FGD5: variants seen among roughly 807,000 people sequenced by gnomAD.
FGD5 encodes the protein FYVE, RhoGEF and PH domain containing 5, also known as FYVE, RhoGEF and PH domain-containing protein 5.
A neutral mutation model predicts 133.4 loss-of-function variants in FGD5; 28 were observed. The ratio of observed to expected loss-of-function variants is 0.21; its 90% CI spans 0.16 to 0.29. The LOEUF is 0.29. Among genes scored for constraint, FGD5 ranks in the 10% least tolerant of loss-of-function variants. FGD5 has a pLI of 1.00. For missense variants in FGD5, 1,858 were observed against 1,895.2 expected (o/e 0.98, Z 0.36); for synonymous variants, 810 against 776.5 (o/e 1.04, Z -0.72).
intron 1 of FGD5, among the ~76,000 whole-genome samples, chr3:14,847,093 A>G (rs1479609351): frequency 9.2e-5 from 14 of 152,214 alleles, no homozygotes; most frequent in South Asian, 2.1e-4. Context: ...CTTGGCACAC[A>G]TAAGCTGTCA....
intron 1 of FGD5, among the ~76,000 whole-genome samples, chr3:14,862,274 CAGA>C (rs1249455085): frequency 6.6e-6 from 1 of 152,200 alleles, no homozygotes; most frequent in Non-Finnish European, 1.5e-5. Context: ...CTGTTTCTCT[CAGA>C]AGGAGGGCAG....
At position 14,929,073 on chromosome 3, in the gene FGD5, AG is replaced by A. The variant is rs2038861813; in HGVS notation, c.4197+2876del. On this transcript the variant is annotated intron_variant, in intron 18 of 19. Transcript: ENST00000285046. ...CCCTGTTCCAATTCTTTTCCACCATAGATTAGTTTTGCCTCTTGATCCTCAA... is the reference window on the plus strand; with the variant it reads ...CCCTGTTCCAATTCTTTTCCACCATAATTAGTTTTGCCTCTTGATCCTCAA... Among the ~76,000 whole-genome samples, 7 of 152,118 alleles carry A rather than the reference AG, an allele frequency of 4.6e-5. No homozygotes were observed. In the South Asian group the frequency reaches 6.2e-4, roughly 14 times the overall value.
At chr3:14,854,938 T>C (rs919303670) in intron 1 of FGD5, among the ~76,000 whole-genome samples, 7 of 152,208 alleles carry the variant, frequency 4.6e-5, no homozygotes, top group African/African-American at 1.7e-4. Context: ...CCTACAGTGC[T>C]ATGGAACCCT....
At chr3:14,871,543 T>C (rs1025998096) in intron 2 of FGD5, among the ~76,000 whole-genome samples, 2 of 152,164 alleles carry the variant, frequency 1.3e-5, no homozygotes, top group African/African-American at 4.8e-5. Flanking sequence ...GTGCTGCATT[T>C]CAGTACAGTA....
At chr3:14,927,341 A>G (rs905606067) in intron 18 of FGD5, among the ~76,000 whole-genome samples, 2 of 152,168 alleles carry the variant, frequency 1.3e-5, no homozygotes, top group African/African-American at 4.8e-5. Context: ...AGGTGGATTT[A>G]GGGGCCTGGC....
chr3:14,837,215 T>C (rs1005652459), intron 1 of FGD5, among the ~76,000 whole-genome samples: 4 of 152,308 alleles, frequency 2.6e-5, no homozygotes, highest in African/African-American at 9.6e-5. Flanking sequence ...TCCCTGACTC[T>C]TTCAGCCCTC....
intron 5 of FGD5, 61 bp downstream of exon 5, chr3:14,897,730 A>C: frequency 6.6e-7 from 1 of 1,517,806 alleles, no homozygotes; most frequent in South Asian, 1.3e-5. Context: ...GGAGACGGAT[A>C]AAAACACCAC....
chr3:14,814,662 A>G (rs1225523584), upstream of FGD5, among the ~76,000 whole-genome samples: 1 of 152,082 alleles, frequency 6.6e-6, no homozygotes, highest in Non-Finnish European at 1.5e-5. Context: ...CATCTCTATG[A>G]TGGTGACCTC....
chr3:14,902,728 T>G (rs2038265059), intron 9 of FGD5, among the ~76,000 whole-genome samples: 1 of 151,872 alleles, frequency 6.6e-6, no homozygotes, highest in African/African-American at 2.4e-5. Context: ...AAACTAGAGG[T>G]GCTTTGGGGT....
At chr3:14,885,764 A>G (rs545696616) in intron 4 of FGD5, among the ~76,000 whole-genome samples, 1 of 152,308 alleles carries the variant, frequency 6.6e-6, no homozygotes, top group Admixed American at 6.5e-5. Flanking sequence ...CTATAGCACC[A>G]CTTCCACCAT....
intron 2 of FGD5, among the ~76,000 whole-genome samples, chr3:14,877,105 G>A (rs564243079): frequency 2.0e-5 from 3 of 152,238 alleles, no homozygotes; most frequent in African/African-American, 4.8e-5. Flanking sequence ...CCAAGCTCCT[G>A]GGAGGAGCCC....
At chr3:14,883,434 C>T (rs1370515825) in intron 4 of FGD5, among the ~76,000 whole-genome samples, 1 of 152,164 alleles carries the variant, frequency 6.6e-6, no homozygotes, top group Non-Finnish European at 1.5e-5. Context: ...AGCCTTTCAC[C>T]CACTCATCTG....
intron 9 of FGD5, among the ~76,000 whole-genome samples, chr3:14,904,877 A>C (rs2038308887): frequency 6.6e-6 from 1 of 152,202 alleles, no homozygotes; most frequent in Non-Finnish European, 1.5e-5. Context: ...TATTTTGCCC[A>C]GGCTGGTGTC....
At chr3:14,823,487 A>G (rs1042842760) in intron 1 of FGD5, among the ~76,000 whole-genome samples, 12 of 152,208 alleles carry the variant, frequency 7.9e-5, no homozygotes, top group Admixed American at 7.8e-4. Flanking sequence ...TTTTTACAAT[A>G]GCCCTTCAAA....
chr3:14,856,472 C>G (rs1408317328), intron 1 of FGD5, among the ~76,000 whole-genome samples: 2 of 152,054 alleles, frequency 1.3e-5, no homozygotes, highest in East Asian at 1.9e-4. Flanking sequence ...TAAGTATTGT[C>G]ATTTTTACAA....
intron 1 of FGD5, among the ~76,000 whole-genome samples, chr3:14,853,483 C>G (rs1020730719): frequency 9.4e-5 from 14 of 149,272 alleles, no homozygotes; most frequent in African/African-American, 3.5e-4. Context: ...CCCTGCTGGG[C>G]TGGTGAGCTT....
At chr3:14,874,935 C>T (rs1233255189) in intron 2 of FGD5, among the ~76,000 whole-genome samples, 1 of 152,168 alleles carries the variant, frequency 6.6e-6, no homozygotes, top group African/African-American at 2.4e-5. Context: ...CTTCTCCCCT[C>T]GCTTGTCCTG....
intron 1 of FGD5, among the ~76,000 whole-genome samples, chr3:14,851,511 A>G (rs978356256): frequency 1.3e-5 from 2 of 152,220 alleles, no homozygotes; most frequent in African/African-American, 2.4e-5. Flanking sequence ...CTGTGACCCA[A>G]CAGTGTGGCA....
At chr3:14,812,038 G>GTA (rs1328509137) in intron 1 of FGD5, among the ~76,000 whole-genome samples, 7 of 151,134 alleles carry the variant, frequency 4.6e-5, no homozygotes, top group Admixed American at 3.3e-4. Context: ...GTGTATGTAT[G>GTA]TGTGTGTGTG....
Sources: allele counts gnomAD v4.1 joint callset (sites outside exome capture counted in the v4.1 genomes callset), GRCh38; gene constraint gnomAD v4.1.1; transcripts MANE v1.5; gene names NCBI Gene and HGNC (gene_info 2026-07-23, HGNC 2026-07-21).